STRN: variants seen among roughly 807,000 people sequenced by gnomAD.
STRN encodes the protein striatin, also known as protein phosphatase 2 regulatory subunit B'''alpha.
STRN carries 53 observed loss-of-function variants against 96.3 expected under a neutral mutation model. The ratio of observed to expected loss-of-function variants is 0.55; its 90% CI spans 0.44 to 0.69. The LOEUF is 0.69. Ranked by LOEUF, STRN falls within the 30% of genes least tolerant of loss-of-function variation. The probability of loss-of-function intolerance (pLI) is 0.00; values close to 1 mark genes in which losing one functional copy is unlikely to be tolerated. For synonymous variants in STRN, 428 were observed against 355.9 expected, an observed-to-expected ratio of 1.20 and a Z score of -2.28; for missense variants, 987 against 963.9, an observed-to-expected ratio of 1.02 and a Z score of -0.32.
rs1240844928 is a variant in STRN, at chr2:36,924,182, C to T, written c.338+923G>A. On this transcript the variant is annotated intron_variant, in intron 2 of 17. Coordinates refer to ENST00000263918, the MANE Select transcript of STRN (RefSeq NM_003162.4). ...CCATCCTGGCTCACATGGTGAAACC[C>T]CATCTCTACCAAAAATACAAAAAAT... Among the ~76,000 whole-genome samples, 3 of 151,934 alleles carry T rather than the reference C, an allele frequency of 2.0e-5. No homozygotes were observed. The East Asian group carries it at 5.8e-4, about 29-fold the overall frequency.
intron 1 of STRN, among the ~76,000 whole-genome samples, chr2:36,926,413 T>C (rs1670412839): frequency 6.6e-6 from 1 of 152,180 alleles, no homozygotes; most frequent in Non-Finnish European, 1.5e-5. Flanking sequence ...ACTGACCCAC[T>C]AAGACAGGTA....
rs767236864 is a variant in STRN, at chr2:36,849,342, C to T, written c.*114G>A. 2 of 1,212,810 alleles carry T rather than the reference C, an allele frequency of 1.6e-6. No homozygotes were observed. Among genetic ancestry groups the T allele is most frequent in the Non-Finnish European group, 2.3e-6 (2 of 867,462 alleles). 75.1% of individuals were successfully genotyped at this position (1,212,810 alleles called of 1,614,324 possible). A position where few individuals can be genotyped will look rare whatever the true frequency, so the allele number is the denominator to read the frequency against. ...TATACTTCAACAAATGTTCTCTGTG[C>T]TCCTTCAGCAGAACAAAAGGGCAGG... is the stretch of plus-strand genomic sequence containing the variant. On this transcript the variant is annotated 3_prime_UTR_variant, in exon 18 of 18. Coordinates refer to ENST00000263918, the MANE Select transcript of STRN (RefSeq NM_003162.4).
chr2:36,888,637 A>ATGTGTG (rs747639409), intron 7 of STRN, among the ~76,000 whole-genome samples: 1,326 of 70,204 alleles, frequency 0.019, 5 homozygotes, highest in Non-Finnish European at 0.028. Context: ...TTTTTAATTT[A>ATGTGTG]TATGTGTGTG....
chr2:36,909,625 A>C (rs917991905), intron 3 of STRN, among the ~76,000 whole-genome samples: 3 of 152,322 alleles, frequency 2.0e-5, no homozygotes, highest in African/African-American at 4.8e-5. Context: ...ATTTGAAGAA[A>C]TAATGGCTGA....
At chr2:36,898,836 T>A (rs781160803) in intron 6 of STRN, among the ~76,000 whole-genome samples, 3 of 151,484 alleles carry the variant, frequency 2.0e-5, no homozygotes, top group Non-Finnish European at 2.9e-5. Context: ...TGTCCTCATA[T>A]CTTACTTTAA....
intron 10 of STRN, among the ~76,000 whole-genome samples, chr2:36,871,539 T>C (rs1004988015): frequency 1.3e-5 from 2 of 152,198 alleles, no homozygotes; most frequent in Admixed American, 1.3e-4. Flanking sequence ...TCTCAGAATG[T>C]ATCCCTATCA....
At chr2:36,883,463 C>CA (rs1553396391) in intron 9 of STRN, among the ~76,000 whole-genome samples, 2 of 149,414 alleles carry the variant, frequency 1.3e-5, no homozygotes, top group Admixed American at 6.6e-5. Context: ...TCTCAAAAAA[C>CA]AAAAAAAAAG....
At chr2:36,905,388 A>G (rs2148204072) in intron 4 of STRN, 152 bp downstream of exon 4, 4 of 666,966 alleles carry the variant, frequency 6.0e-6, no homozygotes, top group South Asian at 2.1e-5. Flanking sequence ...AAAGTATTTA[A>G]TATGAAAAAG....
intron 7 of STRN, among the ~76,000 whole-genome samples, chr2:36,887,436 C>T (rs1558638256): frequency 6.6e-6 from 1 of 151,810 alleles, no homozygotes; most frequent in African/African-American, 2.4e-5. Flanking sequence ...TGCCATTGCA[C>T]TCCCGCCTGG....
At chr2:36,964,850 C>T (rs1665120567) in intron 1 of STRN, among the ~76,000 whole-genome samples, 1 of 152,182 alleles carries the variant, frequency 6.6e-6, no homozygotes, top group Non-Finnish European at 1.5e-5. Context: ...TCCATGAGGG[C>T]AGAAGCTTGG....
At chr2:36,929,245 T>C (rs1670504315) in intron 1 of STRN, among the ~76,000 whole-genome samples, 1 of 152,208 alleles carries the variant, frequency 6.6e-6, no homozygotes, top group Non-Finnish European at 1.5e-5. Flanking sequence ...TTTTGTATTA[T>C]TTTCAATTCT....
At chr2:36,878,632 C>T (rs116477615) in intron 9 of STRN, among the ~76,000 whole-genome samples, 1,841 of 152,178 alleles carry the variant, frequency 0.012, 33 homozygotes, top group African/African-American at 0.041. Context: ...GGGGTGGTGA[C>T]GTGGGAGGGT....
chr2:36,919,656 T>C (rs1005130698), intron 2 of STRN, among the ~76,000 whole-genome samples: 1 of 152,202 alleles, frequency 6.6e-6, no homozygotes, highest in African/African-American at 2.4e-5. Flanking sequence ...AATTATCATA[T>C]TTGTGTTTTA....
rs1250366830 is a variant in STRN at position 36,837,786 on chromosome 2, C to A, written c.*11670G>T. On this transcript the variant is annotated 3_prime_UTR_variant, in exon 18 of 18. Transcript: ENST00000263918. ...TACAAGAGTTGGAAAAAAATGTTTGCATCCAAGATAAGAAAATCTGAACAT... is the reference window on the plus strand; with the variant it reads ...TACAAGAGTTGGAAAAAAATGTTTGAATCCAAGATAAGAAAATCTGAACAT... Among the ~76,000 whole-genome samples, 2 of 152,120 alleles carry A rather than the reference C, an allele frequency of 1.3e-5. No individual in the cohort carries two copies. Among genetic ancestry groups the A allele is most frequent in the Non-Finnish European group, 2.9e-5 (2 of 68,022 alleles).
At chr2:36,882,879 T>C (rs1669110827) in intron 9 of STRN, among the ~76,000 whole-genome samples, 1 of 152,262 alleles carries the variant, frequency 6.6e-6, no homozygotes, top group Admixed American at 6.5e-5. Context: ...TCAAAATCAA[T>C]TTCCACATAC....
intron 1 of STRN, among the ~76,000 whole-genome samples, chr2:36,940,186 A>G (rs1208277343): frequency 6.6e-6 from 1 of 152,266 alleles, no homozygotes; most frequent in African/African-American, 2.4e-5. Flanking sequence ...TGTAGTAAAC[A>G]TATTCAAATG....
intron 1 of STRN, among the ~76,000 whole-genome samples, chr2:36,961,506 T>A (rs571970367): frequency 3.3e-4 from 50 of 152,292 alleles, no homozygotes; most frequent in Non-Finnish European, 5.3e-4. Flanking sequence ...TCTTGTTGGC[T>A]CTACCTTTAA....
chr2:36,955,675 C>T (rs910968466), intron 1 of STRN, among the ~76,000 whole-genome samples: 1 of 152,146 alleles, frequency 6.6e-6, no homozygotes, highest in Non-Finnish European at 1.5e-5. Context: ...TCCTTAATAT[C>T]TACAAGCTAT....
chr2:36,909,027 A>T, intron 3 of STRN, among the ~76,000 whole-genome samples: 1 of 151,462 alleles, frequency 6.6e-6, no homozygotes. Flanking sequence ...AAGGTGGCGC[A>T]TGCGTGTAAT....
Sources: allele counts gnomAD v4.1 joint callset (sites outside exome capture counted in the v4.1 genomes callset), GRCh38; gene constraint gnomAD v4.1.1; transcripts MANE v1.5; gene names NCBI Gene and HGNC (gene_info 2026-07-23, HGNC 2026-07-21).